Variants in RSPO3 observed in about 807,000 individuals in gnomAD.
RSPO3 encodes the protein R-spondin 3, also known as R-spondin-3.
Under a neutral mutation model 36.5 loss-of-function variants are expected in RSPO3, and 17 were observed. That is an observed-to-expected ratio of 0.47 (90% CI 0.32 to 0.70). RSPO3 has a LOEUF of 0.70. Among genes scored for constraint, RSPO3 ranks in the 30% least tolerant of loss-of-function variants. The pLI, the probability that RSPO3 is intolerant of heterozygous loss-of-function variation, is 0.04. For synonymous variants in RSPO3, 108 were observed against 107.0 expected (o/e 1.01, Z -0.06); for missense variants, 294 against 322.5 (o/e 0.91, Z 0.68).
chr6:127,135,644 C>T (rs557532534), intron 1 of RSPO3, among the ~76,000 whole-genome samples: 28 of 151,712 alleles, frequency 1.8e-4, no homozygotes, highest in South Asian at 2.1e-4. Context: ...AAGCACATGT[C>T]GATTAGATGT....
chr6:127,193,692 T>C (rs943559889), intron 4 of RSPO3, among the ~76,000 whole-genome samples: 1 of 152,182 alleles, frequency 6.6e-6, no homozygotes, highest in African/African-American at 2.4e-5. Context: ...ATTTAAATTA[T>C]GCTACATATT....
At chr6:127,192,748 C>A in intron 4 of RSPO3, 1 of 872,966 alleles carries the variant, frequency 1.1e-6, no homozygotes, top group African/African-American at 1.8e-5. Context: ...CATGAATATT[C>A]AGTGAATGGC....
intron 4 of RSPO3, among the ~76,000 whole-genome samples, chr6:127,156,539 T>C (rs1343228564): frequency 3.9e-5 from 6 of 152,210 alleles, no homozygotes; most frequent in Non-Finnish European, 8.8e-5. Flanking sequence ...TGATTGCCTC[T>C]GTAGTTGACC....
intron 1 of RSPO3, among the ~76,000 whole-genome samples, chr6:127,136,681 T>C (rs761730247): frequency 4.6e-5 from 7 of 152,226 alleles, no homozygotes; most frequent in Non-Finnish European, 8.8e-5. Context: ...ACAAGGTTGG[T>C]AAGTTGCAAA....
At chr6:127,125,627 A>G (rs1174003588) in intron 1 of RSPO3, among the ~76,000 whole-genome samples, 1 of 152,178 alleles carries the variant, frequency 6.6e-6, no homozygotes, top group Non-Finnish European at 1.5e-5. Context: ...AAGATTGAGT[A>G]CAAACAAACA....
intron 4 of RSPO3, among the ~76,000 whole-genome samples, chr6:127,183,581 A>C (rs1775231928): frequency 6.6e-6 from 1 of 152,046 alleles, no homozygotes; most frequent in Admixed American, 6.6e-5. Context: ...CCATGAAATC[A>C]AGAAAAGGGA....
intron 4 of RSPO3, among the ~76,000 whole-genome samples, chr6:127,190,783 C>T (rs1021185432): frequency 6.6e-6 from 1 of 152,232 alleles, no homozygotes; most frequent in South Asian, 2.1e-4. Flanking sequence ...AGTGACACTT[C>T]GCAAGAAATT....
chr6:127,120,356 C>T (rs980901685), intron 1 of RSPO3, among the ~76,000 whole-genome samples: 1 of 152,166 alleles, frequency 6.6e-6, no homozygotes, highest in Non-Finnish European at 1.5e-5. Context: ...GACCCTGGCT[C>T]TATGGTTGGG....
chr6:127,194,613 C>T (rs983273773), intron 4 of RSPO3, among the ~76,000 whole-genome samples: 4 of 152,162 alleles, frequency 2.6e-5, no homozygotes, highest in South Asian at 4.1e-4. Context: ...TTATCTACTT[C>T]GATCAAATTA....
chr6:127,137,948 C>G (rs1774193781), intron 1 of RSPO3, among the ~76,000 whole-genome samples: 1 of 152,138 alleles, frequency 6.6e-6, no homozygotes, highest in Admixed American at 6.5e-5. Context: ...TGATCAGTAC[C>G]TAGAAGACTG....
intron 2 of RSPO3, among the ~76,000 whole-genome samples, chr6:127,149,242 GAAAT>G (rs1774443780): frequency 6.6e-6 from 1 of 152,048 alleles, no homozygotes; most frequent in African/African-American, 2.4e-5. Flanking sequence ...TTATCAATTG[GAAAT>G]AAATATTGGG....
At position 127,195,951 on chromosome 6, in the gene RSPO3, A is replaced by C. The variant is rs775787792; in HGVS notation, c.763A>C (p.Lys255Gln). Residue 255 changes from lysine to glutamine, a missense_variant, in exon 5 of 5, where the codon AAG (lysine) becomes CAG (glutamine). By Grantham distance (53) the Lys-to-Gln change is moderately conservative. This residue lies in a region of RSPO3 where 190 missense variants were observed against 185.2 expected (regional missense o/e 1.03). Coordinates refer to ENST00000356698, the MANE Select transcript of RSPO3 (RefSeq NM_032784.5). ...GCAACGAGAAAACAAACAGCAGCAG[A>C]AGAAGCGAAAAGTCCAAGATAAACA... ...PEQRENKQQQ[K>Q]KRKVQDKQKS... 9.3e-6 allele frequency: 15 copies of C among 1,612,990 alleles called. No homozygotes were observed. Among genetic ancestry groups the C allele is most frequent in the East Asian group, 8.9e-5 (4 of 44,862 alleles).
intron 4 of RSPO3, among the ~76,000 whole-genome samples, chr6:127,182,206 AG>A (rs144659148): frequency 1.8e-3 from 271 of 152,016 alleles, no homozygotes; most frequent in African/African-American, 6.3e-3. Context: ...GTCATTCATG[AG>A]GGACCCACTC....
intron 4 of RSPO3, among the ~76,000 whole-genome samples, chr6:127,169,158 C>G (rs1181040315): frequency 2.0e-5 from 3 of 151,908 alleles, no homozygotes; most frequent in Non-Finnish European, 4.4e-5. Flanking sequence ...TACCCTCCCA[C>G]CAACCATGTA....
rs533951007 is a variant in RSPO3 at position 127,174,894 on chromosome 6, G to A, written c.634+19456G>A. Among the ~76,000 whole-genome samples the A allele has an allele frequency of 4.0e-5, 6 of 151,822 alleles. No homozygotes were observed. The South Asian group carries it at 1.2e-3, about 31-fold the overall frequency. On this transcript the variant is annotated intron_variant, in intron 4 of 4. Coordinates refer to ENST00000356698, the MANE Select transcript of RSPO3 (RefSeq NM_032784.5). ...GTCTGACAGAAAGAGTGTTTAGGTT[G>A]ATGAAGAAGCTTTCTACCCTTGGGC...
chr6:127,181,114 T>C (rs1203014823), intron 4 of RSPO3, among the ~76,000 whole-genome samples: 1 of 151,836 alleles, frequency 6.6e-6, no homozygotes, highest in African/African-American at 2.4e-5. Flanking sequence ...TATGACTAAA[T>C]AGCTTGACAG....
At chr6:127,176,319 C>G (rs915442435) in intron 4 of RSPO3, among the ~76,000 whole-genome samples, 2 of 151,800 alleles carry the variant, frequency 1.3e-5, no homozygotes, top group Admixed American at 6.6e-5. Context: ...CTCCAGAGGT[C>G]ATGCAATTAA....
intron 4 of RSPO3, among the ~76,000 whole-genome samples, chr6:127,178,493 A>T (rs549018042): frequency 2.6e-5 from 4 of 151,774 alleles, no homozygotes; most frequent in Admixed American, 1.3e-4. Context: ...TCAGAAATAG[A>T]ATATCAATTT....
chr6:127,140,130 T>C (rs913788375), intron 1 of RSPO3, among the ~76,000 whole-genome samples: 1 of 152,114 alleles, frequency 6.6e-6, no homozygotes, highest in African/African-American at 2.4e-5. Context: ...AATATTAAGA[T>C]ACTAAAAGAA....
Sources: gnomAD v4.1 joint callset for allele counts (sites outside exome capture counted in the v4.1 genomes callset) on GRCh38, gnomAD v4.1.1 for gene constraint, gnomAD v4.1.1 regional missense constraint, MANE v1.5 for transcripts, NCBI Gene and HGNC (gene_info 2026-07-23, HGNC 2026-07-21) for gene names.